PIK3CD: variants seen among roughly 807,000 people sequenced by gnomAD.
The protein encoded by PIK3CD is phosphatidylinositol 4,5-bisphosphate 3-kinase catalytic subunit delta isoform.
Under a neutral mutation model 122.9 loss-of-function variants are expected in PIK3CD, and 20 were observed. The ratio of observed to expected loss-of-function variants is 0.16; its 90% CI spans 0.11 to 0.24. PIK3CD has a LOEUF of 0.24. Ranked by LOEUF, PIK3CD falls within the 10% of genes least tolerant of loss-of-function variation. The pLI is 1.00. For synonymous variants in PIK3CD, 596 were observed against 593.4 expected (o/e 1.00, Z -0.06); for missense variants, 787 against 1,406.3 (o/e 0.56, Z 7.04).
intron 1 of PIK3CD, among the ~76,000 whole-genome samples, chr1:9,680,207 G>T (rs566943204): frequency 6.7e-6 from 1 of 150,224 alleles, no homozygotes; most frequent in East Asian, 1.9e-4. Flanking sequence ...AACTCTTGGT[G>T]TCAAGTGATC....
intron 5 of PIK3CD, 51 bp downstream of exon 5, chr1:9,716,129 C>A: frequency 6.9e-7 from 1 of 1,447,960 alleles, no homozygotes; most frequent in Non-Finnish European, 9.6e-7. Flanking sequence ...CCATGGGGAG[C>A]ACTTCCTCTG....
the PIK3CD span, among the ~76,000 whole-genome samples, chr1:9,628,107 A>G: frequency 6.6e-6 from 1 of 152,198 alleles, no homozygotes; most frequent in Non-Finnish European, 1.5e-5. Context: ...GTTTGAGACC[A>G]GCCTGGCCAA....
At position 9,723,807 on chromosome 1, in the gene PIK3CD, G is replaced by A. The variant is rs930437677; in HGVS notation, c.2595-162G>A. On this transcript the variant is annotated intron_variant, in intron 20 of 23. Coordinates refer to ENST00000377346, the MANE Select transcript of PIK3CD (RefSeq NM_005026.5). The surrounding 1 kb of genome is among the most constrained non-coding windows in gnomAD (Gnocchi z 4.9). Reference sequence around the variant, plus strand: ...GCAGGGGTCTTCATGCCTTGGCTCTGGAATAGCGTCTGCAAGCGATGTCCA... The same window carrying A: ...GCAGGGGTCTTCATGCCTTGGCTCTAGAATAGCGTCTGCAAGCGATGTCCA... Among the ~76,000 whole-genome samples the A allele has an allele frequency of 6.6e-6, 1 of 152,188 alleles. No individual in the cohort carries two copies. Among genetic ancestry groups the A allele is most frequent in the African/African-American group, 2.4e-5 (1 of 41,424 alleles).
At chr1:9,635,136 G>A in the PIK3CD span, among the ~76,000 whole-genome samples, 2 of 151,952 alleles carry the variant, frequency 1.3e-5, no homozygotes, top group African/African-American at 2.4e-5. Flanking sequence ...TTAGCCAGGC[G>A]TGGTGGTGCA....
intron 1 of PIK3CD, among the ~76,000 whole-genome samples, chr1:9,675,046 G>GAA (rs1553160754): frequency 0.016 from 2,220 of 142,644 alleles, 49 homozygotes; most frequent in African/African-American, 0.05. Flanking sequence ...AAGAGAGAGA[G>GAA]AGAAAGAAAG....
chr1:9,664,846 A>G (rs913599167), intron 1 of PIK3CD, among the ~76,000 whole-genome samples: 1 of 152,112 alleles, frequency 6.6e-6, no homozygotes, highest in Non-Finnish European at 1.5e-5. Flanking sequence ...GGGCATTGTC[A>G]TCCCTGTTAG....
At chr1:9,699,641 G>A (rs1443958277) in intron 2 of PIK3CD, among the ~76,000 whole-genome samples, 1 of 151,504 alleles carries the variant, frequency 6.6e-6, no homozygotes, top group Admixed American at 6.6e-5. Flanking sequence ...TTATTGTCCA[G>A]GCCGAAGTGC....
rs1397037578 is a variant in PIK3CD at position 9,719,220 on chromosome 1, G to A, written c.1242+305G>A. On this transcript the variant is annotated intron_variant, in intron 9 of 23. Coordinates refer to ENST00000377346, the MANE Select transcript of PIK3CD (RefSeq NM_005026.5). The surrounding 1 kb of genome is among the most constrained non-coding windows in gnomAD (Gnocchi z 5.5). ...CAAGCACAGTGTCATCCCTGGAGCA[G>A]AAAAGCCTGAGTCAGCGGCTGGCCG... 6.6e-6 allele frequency among the ~76,000 whole-genome samples: 1 copy of A among 152,254 alleles called. No homozygotes were observed. Among genetic ancestry groups the A allele is most frequent in the Non-Finnish European group, 1.5e-5 (1 of 68,044 alleles).
At chr1:9,687,196 G>C (rs185841663) in intron 1 of PIK3CD, 5 of 152,330 alleles carry the variant, frequency 3.3e-5, no homozygotes, top group Admixed American at 3.3e-4. Flanking sequence ...AAGTCTTCGC[G>C]CAGGGGGACG....
At chr1:9,705,312 A>T in intron 2 of PIK3CD, among the ~76,000 whole-genome samples, 1 of 143,218 alleles carries the variant, frequency 7.0e-6, no homozygotes, top group African/African-American at 2.6e-5. Context: ...TAAAGTCTCT[A>T]TTAAAAATAC....
rs191344586 is a variant in PIK3CD, at chr1:9,668,570, T to C, written c.-138+16768T>C. ...GATTTCTGAGATTCTGATGCACCCGTCACCCAAGCAGTGTACACTGTACCA... is the reference window on the plus strand; with the variant it reads ...GATTTCTGAGATTCTGATGCACCCGCCACCCAAGCAGTGTACACTGTACCA... On this transcript the variant is annotated intron_variant, in intron 1 of 23. Transcript: ENST00000377346. Among the ~76,000 whole-genome samples the C allele has an allele frequency of 2.2e-3, 334 of 152,150 alleles. 1 individual carries two copies. The Middle Eastern group carries it at 0.037, about 17-fold the overall frequency.
chr1:9,675,294 G>A (rs1375988130), intron 1 of PIK3CD, among the ~76,000 whole-genome samples: 1 of 148,668 alleles, frequency 6.7e-6, no homozygotes, highest in East Asian at 2.0e-4. Context: ...GCTGAGGCAG[G>A]AGAATGGCGT....
chr1:9,698,752 TA>T (rs1377798093), intron 2 of PIK3CD, among the ~76,000 whole-genome samples: 1 of 152,196 alleles, frequency 6.6e-6, no homozygotes, highest in Non-Finnish European at 1.5e-5. Flanking sequence ...TTTTGATGTG[TA>T]GTATCTGAGG....
rs908594859 is a variant in PIK3CD, at chr1:9,702,607, G to A, written c.-32-7817G>A. Among the ~76,000 whole-genome samples the A allele has an allele frequency of 3.1e-5, 4 of 130,346 alleles. No homozygotes were observed. The South Asian group carries it at 8.2e-4, about 27-fold the overall frequency. 85.5% of individuals were successfully genotyped at this position (130,346 alleles called of 152,430 possible). On this transcript the variant is annotated intron_variant, in intron 2 of 23. Coordinates refer to ENST00000377346, the MANE Select transcript of PIK3CD (RefSeq NM_005026.5). The stretch of plus-strand genomic sequence containing the variant: ...GCCATCTCGGCCCACTGCAAACTCC[G>A]CCTCCTGGGTTCAAGCGATTCTCCT...
rs966403519 is a variant in PIK3CD at position 9,727,274 on chromosome 1, G to C, written c.*228G>C. ...ATGCAGCGGCGGTGCTGGGCCCCCCGAGGCTGCACCTGGCTCTCGGCTGAG... is the reference window on the plus strand; with the variant it reads ...ATGCAGCGGCGGTGCTGGGCCCCCCCAGGCTGCACCTGGCTCTCGGCTGAG... On this transcript the variant is annotated 3_prime_UTR_variant, in exon 24 of 24. Transcript: ENST00000377346. 1 of 580,384 alleles carries C rather than the reference G, an allele frequency of 1.7e-6. No individual in the cohort carries two copies. Among genetic ancestry groups the C allele is most frequent in the Non-Finnish European group, 3.1e-6 (1 of 325,956 alleles). The allele number at this position is 580,384 out of a possible 1,614,324, so 36.0% of individuals were successfully genotyped here.
intron 1 of PIK3CD, among the ~76,000 whole-genome samples, chr1:9,679,107 G>A (rs1437813108): frequency 2.1e-5 from 3 of 140,124 alleles, no homozygotes; most frequent in Non-Finnish European, 4.5e-5. Flanking sequence ...TTGCTCTGTC[G>A]CCCAGGCTGG....
rs201708223 is a variant in PIK3CD, at chr1:9,692,530, G to T, written c.-33+959G>T. Among the ~76,000 whole-genome samples the T allele has an allele frequency of 6.5e-4, 98 of 150,962 alleles. 1 individual carries two copies. Among genetic ancestry groups the T allele is most frequent in the East Asian group, 3.7e-3 (19 of 5,182 alleles). On this transcript the variant is annotated intron_variant, in intron 2 of 23. Transcript: ENST00000377346. ...TCACGAGGTCAGGAGTTCGAGACCA[G>T]CCTGGCCAACCAACATGGTGAAACC...
upstream of PIK3CD, among the ~76,000 whole-genome samples, chr1:9,646,815 C>T (rs1053421740): frequency 2.6e-5 from 4 of 151,592 alleles, no homozygotes; most frequent in African/African-American, 9.7e-5. Flanking sequence ...TAGGGCCGGG[C>T]TTGGTGGCTC....
chr1:9,683,564 T>A (rs4846191), intron 1 of PIK3CD, among the ~76,000 whole-genome samples: 55,588 of 151,914 alleles, frequency 0.37, 10,206 homozygotes, highest in Non-Finnish European at 0.4. Context: ...TGATTCCTGC[T>A]CTGTCACTTC....
Sources: allele counts gnomAD v4.1 joint callset (sites outside exome capture counted in the v4.1 genomes callset), GRCh38; gene constraint gnomAD v4.1.1; non-coding constraint Gnocchi (gnomAD v3.1); transcripts MANE v1.5; gene names NCBI Gene and HGNC (gene_info 2026-07-23, HGNC 2026-07-21).